The following IFT172 variants were observed in gnomAD, a reference collection of about 807,000 sequenced individuals.
The protein encoded by IFT172 is intraflagellar transport 172, also known as intraflagellar transport protein 172 homolog.
A neutral mutation model predicts 248.9 loss-of-function variants in IFT172; 164 were observed. That is an observed-to-expected ratio of 0.66 (90% CI 0.58 to 0.75). The LOEUF (loss-of-function observed/expected upper bound fraction) is 0.75, where lower values mean the gene tolerates loss of function less well. Among genes scored for constraint, IFT172 ranks in the 30% least tolerant of loss-of-function variants. The pLI is 0.00. For synonymous variants in IFT172, 729 were observed against 791.6 expected, an observed-to-expected ratio of 0.92 and a Z score of 1.33; for missense variants, 1,950 against 2,192.4, an observed-to-expected ratio of 0.89 and a Z score of 2.21.
chr2:27,476,681 CTTA>C lies in IFT172; in HGVS notation c.1368_1370del (p.Asn456del), dbSNP rs1558404336. On this transcript the variant is annotated inframe_deletion, in exon 14 of 48. Coordinates refer to ENST00000260570, the MANE Select transcript of IFT172 (RefSeq NM_015662.3). ...TAATATCAATAAGATAAGCCAATTTCTTATTATCTTCTGTTCCTCGCTGACACC... is the reference window on the plus strand; with the variant it reads ...TAATATCAATAAGATAAGCCAATTTCTTATCTTCTGTTCCTCGCTGACACC... 1 of 1,612,032 alleles carries C rather than the reference CTTA, an allele frequency of 6.2e-7. No individual in the cohort carries two copies. The highest frequency in any genetic ancestry group is 8.5e-7 in the Non-Finnish European group (1 of 1,178,234).
intron 42 of IFT172, among the ~76,000 whole-genome samples, chr2:27,446,723 C>CG (rs1480541243): frequency 8.5e-6 from 1 of 117,968 alleles, no homozygotes; most frequent in East Asian, 2.4e-4. Flanking sequence ...GACGGAGTCT[C>CG]GCTCTGTCGC....
chr2:27,448,783 C>G (rs1044161057), intron 40 of IFT172, 132 bp downstream of exon 40: 13 of 680,564 alleles, frequency 1.9e-5, no homozygotes, highest in Non-Finnish European at 3.3e-5. Flanking sequence ...TCTGGAGATG[C>G]GTGGGGGGCT....
chr2:27,464,926 T>TA (rs1428937748), intron 18 of IFT172, among the ~76,000 whole-genome samples: 49 of 41,168 alleles, frequency 1.2e-3, no homozygotes, highest in Middle Eastern at 0.011. Context: ...CCAAGACATA[T>TA]TTTTTTTTTT....
intron 16 of IFT172, among the ~76,000 whole-genome samples, chr2:27,470,325 A>G (rs986682646): frequency 1.2e-4 from 19 of 152,220 alleles, no homozygotes; most frequent in African/African-American, 4.6e-4. Flanking sequence ...AAGAGAAAGA[A>G]AAAGAAAGAA....
chr2:27,476,564 T>C (rs1375765700), intron 14 of IFT172, 77 bp downstream of exon 14: 2 of 871,328 alleles, frequency 2.3e-6, no homozygotes, highest in African/African-American at 1.7e-5. Context: ...CATTCCCCAC[T>C]GAATGCAATC....
At position 27,444,495 on chromosome 2, in the gene IFT172, G is replaced by A. The variant is rs143671920; in HGVS notation, c.5187C>T (p.Asp1729=). 1.8e-4 allele frequency: 291 copies of A among 1,613,624 alleles called. 2 individuals are homozygous for A. Among genetic ancestry groups the A allele is most frequent in the South Asian group, 1.7e-3 (157 of 90,938 alleles). The change falls in exon 48 of 48, where the codon GAC becomes GAT. Residue 1729 remains aspartate (D), a synonymous_variant. Transcript: ENST00000260570. The part of the protein sequence containing the change: ...IKTSHSPVCQ[D]VLKFISQWCG... ...ACCACTGACTGATGAATTTCAGCACGTCCTGGCACACTGGGCTGTGGGAGG... is the reference window on the plus strand; with the variant it reads ...ACCACTGACTGATGAATTTCAGCACATCCTGGCACACTGGGCTGTGGGAGG...
chr2:27,447,787 C>A (rs375105942), intron 41 of IFT172, 25 bp downstream of exon 41: 1 of 1,590,036 alleles, frequency 6.3e-7, no homozygotes, highest in South Asian at 1.1e-5. Context: ...CAAGGACAGA[C>A]GGAGCAGCCC....
chr2:27,467,979 T>C (rs1399213191), intron 16 of IFT172, among the ~76,000 whole-genome samples: 1 of 151,708 alleles, frequency 6.6e-6, no homozygotes, highest in African/African-American at 2.4e-5. Flanking sequence ...GCCAACACGG[T>C]GAAACTCCAT....
chr2:27,449,985 G>T lies in IFT172; in HGVS notation c.4050+13C>A, dbSNP rs1383466520. ...TGAAATCTATTTCTGTTCCATCTCA[G>T]CATCCTACTTACTGCACTGTGCTTT... On this transcript the variant is annotated intron_variant, in intron 36 of 47. Coordinates refer to ENST00000260570, the MANE Select transcript of IFT172 (RefSeq NM_015662.3). The T allele has an allele frequency of 2.5e-6, 4 of 1,598,710 alleles. No homozygotes were observed. Among genetic ancestry groups the T allele is most frequent in the Non-Finnish European group, 2.6e-6 (3 of 1,166,362 alleles).
chr2:27,485,931 C>G lies in IFT172; in HGVS notation c.40-428G>C, dbSNP rs148068637. Among the ~76,000 whole-genome samples, 39 of 152,284 alleles carry G rather than the reference C, an allele frequency of 2.6e-4. No individual in the cohort carries two copies. In the East Asian group the frequency reaches 6.6e-3, roughly 26 times the overall value. On this transcript the variant is annotated intron_variant, in intron 1 of 47. Transcript: ENST00000260570. ...AAAAAGCAAACCATAGATCCTGCCT[C>G]CACGTCTAATAAGATGGTGCAAAAT...
intron 1 of IFT172, among the ~76,000 whole-genome samples, chr2:27,485,732 G>C (rs1293347907): frequency 6.6e-6 from 1 of 152,224 alleles, no homozygotes; most frequent in Non-Finnish European, 1.5e-5. Flanking sequence ...CTAAGAGGCA[G>C]GGTGCTAAGT....
At position 27,461,327 on chromosome 2, in the gene IFT172, T is replaced by A; in HGVS notation, c.2384A>T (p.Asn795Ile). Residue 795 changes from asparagine (N) to isoleucine (I), a missense_variant, in exon 22 of 48, where the codon AAC (asparagine) becomes ATC (isoleucine). Asn to Ile is a moderately radical substitution (Grantham distance 149, BLOSUM62 -3). Transcript: ENST00000260570. ...LVLTREELLA[N>I]TELVEHITAA... ...AGTGATGTGTTCTACCAGCTCTGTG[T>A]TGGCTAGCAGTTCCTCTCGGGTCAG... 6.2e-7 allele frequency: 1 copy of A among 1,614,174 alleles called. No individual in the cohort carries two copies. Among genetic ancestry groups the A allele is most frequent in the Non-Finnish European group, 8.5e-7 (1 of 1,180,020 alleles).
At chr2:27,481,353 C>G (rs1668348455) in intron 7 of IFT172, 93 bp from the exon 8 acceptor site, 1 of 908,874 alleles carries the variant, frequency 1.1e-6, no homozygotes, top group Admixed American at 2.3e-5. Flanking sequence ...CTCTGACCAT[C>G]ATACCCTGCA....
chr2:27,447,095 G>A (rs1413997039), intron 42 of IFT172, among the ~76,000 whole-genome samples: 2 of 152,074 alleles, frequency 1.3e-5, no homozygotes, highest in East Asian at 1.9e-4. Flanking sequence ...CACCCGCCTC[G>A]GCCTCCCAAA....
intron 35 of IFT172, 193 bp downstream of exon 35, chr2:27,453,191 G>A: frequency 2.6e-6 from 2 of 781,092 alleles, no homozygotes; most frequent in Non-Finnish European, 4.6e-6. Flanking sequence ...GGCTGTCAGG[G>A]CTCTGTCTTA....
chr2:27,462,425 A>T (rs1412132258), intron 20 of IFT172, among the ~76,000 whole-genome samples: 2 of 152,220 alleles, frequency 1.3e-5, no homozygotes, highest in African/African-American at 4.8e-5. Flanking sequence ...AATTGCAAAG[A>T]CAGGCTCTGG....
intron 30 of IFT172, 63 bp downstream of exon 30, chr2:27,456,448 T>C (rs1666168552): frequency 1.3e-6 from 2 of 1,547,632 alleles, no homozygotes; most frequent in East Asian, 2.3e-5. Flanking sequence ...ACATCAATTT[T>C]CTTTCTCTAG....
rs765603989 is a variant in IFT172, at chr2:27,445,717, TTCCG to T, written c.4914+24_4914+27del. The T allele has an allele frequency of 1.1e-5, 18 of 1,613,152 alleles. No homozygotes were observed. The South Asian group carries it at 1.9e-4, about 17-fold the overall frequency. On this transcript the variant is annotated intron_variant, in intron 45 of 47. Transcript: ENST00000260570. The surrounding 1 kb of genome is among the most constrained non-coding windows in gnomAD (Gnocchi z 4.4). ...TCAAGGCACTCACACTGGTGAGGCCTTCCGGTTTTCCAACCCTGTGCCCTTACCG... is the reference window on the plus strand; with the variant it reads ...TCAAGGCACTCACACTGGTGAGGCCTGTTTTCCAACCCTGTGCCCTTACCG...
intron 14 of IFT172, among the ~76,000 whole-genome samples, chr2:27,473,687 C>T (rs2148534846): frequency 1.3e-5 from 2 of 152,098 alleles, no homozygotes; most frequent in South Asian, 4.2e-4. Context: ...CTCCTCAGAA[C>T]CCTGAAATTA....
Sources: gnomAD v4.1 joint callset for allele counts (sites outside exome capture counted in the v4.1 genomes callset) on GRCh38, gnomAD v4.1.1 for gene constraint, Gnocchi (gnomAD v3.1) non-coding constraint, MANE v1.5 for transcripts, NCBI Gene and HGNC (gene_info 2026-07-23, HGNC 2026-07-21) for gene names.